The following CHL1 variants were observed in gnomAD, a reference collection of about 807,000 sequenced individuals.
CHL1 encodes the protein cell adhesion molecule L1 like, also known as neural cell adhesion molecule L1-like protein.
In CHL1, 96 loss-of-function variants were observed where a neutral mutation model predicts 141.9. The ratio of observed to expected loss-of-function variants is 0.68; its 90% CI spans 0.57 to 0.80. CHL1 has a LOEUF of 0.80. Ranked by LOEUF, CHL1 falls within the 30% of genes least tolerant of loss-of-function variation. The pLI, the probability that CHL1 is intolerant of heterozygous loss-of-function variation, is 0.00. For synonymous variants in CHL1, 613 were observed against 502.2 expected (o/e 1.22, Z -2.95); for missense variants, 1,820 against 1,457.2 (o/e 1.25, Z -4.05).
In CHL1 at chr3:360,342, A is replaced by G; in HGVS notation, c.1224A>G (p.Gln408=). ...FPREISFTNL[Q]PNHTAVYQCE... ...GGGAAATCAGTTTTACCAACCTTCA[A>G]CCAAATCATACTGCTGTGTACCAGT... Residue 408 remains glutamine, a synonymous_variant, in exon 12 of 28, where the codon CAA becomes CAG. Coordinates refer to ENST00000256509, the MANE Select transcript of CHL1 (RefSeq NM_006614.4). 1 of 1,613,774 alleles carries G rather than the reference A, an allele frequency of 6.2e-7. No homozygotes were observed. The highest frequency in any genetic ancestry group is 1.7e-5 in the Admixed American group (1 of 59,984).
intron 2 of CHL1, among the ~76,000 whole-genome samples, chr3:294,602 A>G (rs1350373249): frequency 6.6e-6 from 1 of 152,212 alleles, no homozygotes; most frequent in Non-Finnish European, 1.5e-5. Context: ...TTCCTAGATT[A>G]TGAAAGGTAG....
At chr3:364,759 C>T (rs930027934) in intron 14 of CHL1, among the ~76,000 whole-genome samples, 1 of 152,060 alleles carries the variant, frequency 6.6e-6, no homozygotes, top group African/African-American at 2.4e-5. Context: ...CCTGGTTCAG[C>T]CCATTCCCGG....
rs113253448 is a variant in CHL1 at position 390,772 on chromosome 3, A to G, written c.2542A>G (p.Thr848Ala). Residue 848 changes from threonine to alanine, a missense_variant, in exon 21 of 28, where the codon ACA becomes GCA. Physicochemically the swap from Thr to Ala is moderately conservative, Grantham distance 58 (BLOSUM62 0). Coordinates refer to ENST00000256509, the MANE Select transcript of CHL1 (RefSeq NM_006614.4). ...TACATTAGTTAAAGTTACCTGGTCA[A>G]CAGTTCCAAAGGACAGAGTACATGG... is the stretch of plus-strand genomic sequence containing the variant. Reference protein sequence around the residue: ...NSTLVKVTWSTVPKDRVHGRL... With the variant: ...NSTLVKVTWSAVPKDRVHGRL... 1.2e-6 allele frequency: 2 copies of G among 1,612,622 alleles called. No homozygotes were observed. Among genetic ancestry groups the G allele is most frequent in the South Asian group, 1.1e-5 (1 of 91,058 alleles).
At chr3:276,127 T>A (rs1233567454) in intron 2 of CHL1, among the ~76,000 whole-genome samples, 1 of 152,038 alleles carries the variant, frequency 6.6e-6, no homozygotes, top group Non-Finnish European at 1.5e-5. Flanking sequence ...TATATATTCA[T>A]TGTCATGATT....
chr3:383,258 T>G (rs1707277242), intron 18 of CHL1, among the ~76,000 whole-genome samples: 1 of 152,204 alleles, frequency 6.6e-6, no homozygotes, highest in African/African-American at 2.4e-5. Context: ...TTGTGTGATT[T>G]TAGTGCATGT....
intron 2 of CHL1, among the ~76,000 whole-genome samples, chr3:301,188 C>G (rs1457351536): frequency 1.3e-5 from 2 of 152,116 alleles, no homozygotes; most frequent in Non-Finnish European, 2.9e-5. Flanking sequence ...CCCAGAGTGT[C>G]TACATTAGGA....
rs1447403309 is a variant in CHL1, at chr3:405,933, A to C, written c.*222A>C. 4.4e-6 allele frequency: 2 copies of C among 455,680 alleles called. No homozygotes were observed. The highest frequency in any genetic ancestry group is 7.9e-6 in the Non-Finnish European group (2 of 251,868). 28.2% of individuals were successfully genotyped at this position (455,680 alleles called of 1,614,324 possible). Reference sequence around the variant, plus strand: ...TTGCTTATATTGTTTTCAGGTGCTCAAAATGCAAAACACAAAACAAATCCT... The same window carrying C: ...TTGCTTATATTGTTTTCAGGTGCTCCAAATGCAAAACACAAAACAAATCCT... On this transcript the variant is annotated 3_prime_UTR_variant, in exon 28 of 28. Coordinates refer to ENST00000256509, the MANE Select transcript of CHL1 (RefSeq NM_006614.4).
intron 1 of CHL1, among the ~76,000 whole-genome samples, chr3:221,792 T>C (rs1700864882): frequency 6.6e-6 from 1 of 152,206 alleles, no homozygotes. Context: ...AACAAGAACA[T>C]AGATGCTACA....
At position 328,158 on chromosome 3, in the gene CHL1, A is replaced by G. The variant is rs1239524781; in HGVS notation, c.198-9A>G. 5.6e-6 allele frequency: 9 copies of G among 1,597,886 alleles called. No individual in the cohort carries two copies. Among genetic ancestry groups the G allele is most frequent in the Non-Finnish European group, 7.7e-6 (9 of 1,170,512 alleles). ...TTTCAGGATTATTAAGTTCAGTTTT[A>G]TGTTTTAGATTTTCGTGGACTAAGG... On this transcript the variant is annotated splice_polypyrimidine_tract_variant and intron_variant, in intron 4 of 27. Coordinates refer to ENST00000256509, the MANE Select transcript of CHL1 (RefSeq NM_006614.4).
At chr3:338,441 A>G (rs2125131691) in intron 5 of CHL1, among the ~76,000 whole-genome samples, 1 of 152,314 alleles carries the variant, frequency 6.6e-6, no homozygotes, top group South Asian at 2.1e-4. Context: ...TTTTAAATGG[A>G]GTCATTTCTT....
intron 15 of CHL1, among the ~76,000 whole-genome samples, chr3:368,132 C>G (rs1428617307): frequency 1.3e-5 from 2 of 152,124 alleles, no homozygotes; most frequent in East Asian, 3.8e-4. Flanking sequence ...ATTGCTGGGT[C>G]AAATGGTATT....
At chr3:256,234 A>T (rs961436137) in intron 2 of CHL1, among the ~76,000 whole-genome samples, 65 of 150,494 alleles carry the variant, frequency 4.3e-4, no homozygotes, top group African/African-American at 1.5e-3. Flanking sequence ...TATGACTTTG[A>T]TAGGTAGTCT....
intron 1 of CHL1, among the ~76,000 whole-genome samples, chr3:203,958 T>C (rs765992923): frequency 6.6e-6 from 1 of 152,224 alleles, no homozygotes; most frequent in East Asian, 1.9e-4. Flanking sequence ...AGGGGAAAGC[T>C]AGAATTGACA....
At chr3:369,230 A>G (rs1312880972) in intron 15 of CHL1, among the ~76,000 whole-genome samples, 1 of 104,092 alleles carries the variant, frequency 9.6e-6, no homozygotes, top group Non-Finnish European at 2.2e-5. Context: ...ATCCATGAGG[A>G]TGGGATTTTT....
At chr3:275,137 T>G (rs1386029706) in intron 2 of CHL1, among the ~76,000 whole-genome samples, 1 of 152,242 alleles carries the variant, frequency 6.6e-6, no homozygotes, top group South Asian at 2.1e-4. Context: ...TATTTACTAG[T>G]GATGAAACTG....
Position 361,751 on chromosome 3 carries a change from T to G in CHL1, c.1359T>G (p.Val453=). The part of the protein sequence containing the change: ...TKDGENYATV[V]GYSAFLHCEF... ...ATGGAGAAAATTACGCTACAGTGGTTGGGTACAGTGCTTTCTTACATTGCG... is the reference window on the plus strand; with the variant it reads ...ATGGAGAAAATTACGCTACAGTGGTGGGGTACAGTGCTTTCTTACATTGCG... Residue 453 remains valine, a synonymous_variant, in exon 13 of 28, where the codon GTT becomes GTG. Transcript: ENST00000256509. 6.2e-7 allele frequency: 1 copy of G among 1,613,700 alleles called. No homozygotes were observed. The highest frequency in any genetic ancestry group is 2.2e-5 in the East Asian group (1 of 44,880).
At chr3:231,540 A>C (rs1219119951) in intron 1 of CHL1, among the ~76,000 whole-genome samples, 2 of 150,306 alleles carry the variant, frequency 1.3e-5, no homozygotes, top group Admixed American at 6.6e-5. Flanking sequence ...TGAAATTTTC[A>C]GTTGGGAGTA....
intron 1 of CHL1, among the ~76,000 whole-genome samples, chr3:211,186 C>A (rs910396996): frequency 2.8e-4 from 42 of 152,258 alleles, no homozygotes; most frequent in African/African-American, 9.9e-4. Context: ...GAAAAGAGCT[C>A]CTGCATTTCC....
intron 11 of CHL1, among the ~76,000 whole-genome samples, chr3:357,253 G>T (rs1262544969): frequency 6.6e-6 from 1 of 152,144 alleles, no homozygotes; most frequent in African/African-American, 2.4e-5. Flanking sequence ...TTTATAGGCT[G>T]GGATATTTGA....
Sources: gnomAD v4.1 joint callset for allele counts (sites outside exome capture counted in the v4.1 genomes callset) on GRCh38, gnomAD v4.1.1 for gene constraint, MANE v1.5 for transcripts, NCBI Gene and HGNC (gene_info 2026-07-23, HGNC 2026-07-21) for gene names.